STK39: variants seen among roughly 807,000 people sequenced by gnomAD.
STK39 encodes serine/threonine kinase 39, also known as STE20/SPS1-related proline-alanine-rich protein kinase.
In STK39, 20 loss-of-function variants were observed where a neutral mutation model predicts 77.8. The ratio of observed to expected loss-of-function variants is 0.26; its 90% CI spans 0.18 to 0.37. STK39 has a LOEUF of 0.37. Ranked by LOEUF, STK39 falls within the 10% of genes least tolerant of loss-of-function variation. The probability of loss-of-function intolerance (pLI) is 1.00; values close to 1 mark genes in which losing one functional copy is unlikely to be tolerated. For missense variants in STK39, 479 were observed against 656.5 expected (o/e 0.73, Z 2.95); for synonymous variants, 246 against 234.1 (o/e 1.05, Z -0.47).
intron 2 of STK39, among the ~76,000 whole-genome samples, chr2:168,180,379 A>C (rs1234852019): frequency 6.6e-6 from 1 of 152,036 alleles, no homozygotes; most frequent in African/African-American, 2.4e-5. Context: ...CACAACTATC[A>C]CTGGCAAATT....
At chr2:168,230,777 TCTCC>T (rs34518425) in intron 1 of STK39, among the ~76,000 whole-genome samples, 12,146 of 152,012 alleles carry the variant, frequency 0.08, 809 homozygotes, top group East Asian at 0.2. Context: ...AAAATTACAC[TCTCC>T]CTATCAAGTC....
intron 16 of STK39, among the ~76,000 whole-genome samples, chr2:168,000,285 AT>A (rs1202586341): frequency 3.9e-5 from 6 of 152,366 alleles, no homozygotes; most frequent in East Asian, 1.9e-4. Context: ...CATGAAAAAA[AT>A]ATCAAAAATT....
intron 1 of STK39, among the ~76,000 whole-genome samples, chr2:168,195,493 C>T (rs1470952180): frequency 6.6e-6 from 1 of 152,172 alleles, no homozygotes; most frequent in African/African-American, 2.4e-5. Context: ...AAAGTCTGGT[C>T]GGTGGCCATG....
intron 2 of STK39, 91 bp from the exon 3 acceptor site, chr2:168,167,498 T>C: frequency 8.7e-7 from 1 of 1,152,326 alleles, no homozygotes; most frequent in Non-Finnish European, 1.3e-6. Flanking sequence ...CTGGGTAACT[T>C]TCCTACTCGA....
intron 1 of STK39, among the ~76,000 whole-genome samples, chr2:168,238,786 A>G (rs1400635): frequency 0.2 from 30,789 of 152,166 alleles, 3,974 homozygotes; most frequent in Non-Finnish European, 0.29. Flanking sequence ...TTTTTAATTA[A>G]TATATTGAAT....
intron 14 of STK39, among the ~76,000 whole-genome samples, chr2:168,026,550 C>T (rs1219323047): frequency 2.0e-5 from 3 of 152,122 alleles, no homozygotes; most frequent in Admixed American, 6.5e-5. Context: ...GAGCCATTAA[C>T]GGAAGAAATG....
chr2:168,103,716 T>C (rs1162876873), intron 10 of STK39, among the ~76,000 whole-genome samples: 1 of 152,226 alleles, frequency 6.6e-6, no homozygotes, highest in Non-Finnish European at 1.5e-5. Flanking sequence ...GCTGAGTGGT[T>C]GGTACCGGAG....
intron 1 of STK39, among the ~76,000 whole-genome samples, chr2:168,241,953 C>T (rs1017019772): frequency 6.6e-6 from 1 of 152,172 alleles, no homozygotes; most frequent in African/African-American, 2.4e-5. Flanking sequence ...TGAAACAGGC[C>T]AGGCTGTCAG....
chr2:168,072,581 C>T (rs574857299), intron 12 of STK39, among the ~76,000 whole-genome samples: 3 of 152,164 alleles, frequency 2.0e-5, no homozygotes, highest in East Asian at 1.9e-4. Context: ...TCCACAAGGA[C>T]GGGGATTTTG....
At chr2:168,011,623 C>T (rs2105311932) in intron 16 of STK39, among the ~76,000 whole-genome samples, 1 of 152,282 alleles carries the variant, frequency 6.6e-6, no homozygotes, top group Non-Finnish European at 1.5e-5. Flanking sequence ...GCTATGTCTG[C>T]CTCTTAGAGC....
rs753664606 is a variant in STK39, at chr2:168,247,450, GAGC to G, written c.-18_-16del. 16 of 1,313,168 alleles carry G rather than the reference GAGC, an allele frequency of 1.2e-5. 1 individual carries two copies. Among genetic ancestry groups the G allele is most frequent in the Non-Finnish European group, 9.8e-7 (1 of 1,018,002 alleles). 81.3% of individuals were successfully genotyped at this position (1,313,168 alleles called of 1,614,324 possible). A position where few individuals can be genotyped will look rare whatever the true frequency, so the allele number is the denominator to read the frequency against. On this transcript the variant is annotated 5_prime_UTR_variant, in exon 1 of 18. Transcript: ENST00000355999. ...GGCTCCGCCATGATGCTGCGGAGGA[GAGC>G]AGGAGGACGCGCCGGCCGACGGACG...
At chr2:167,963,986 C>T (rs1033204151) in intron 17 of STK39, among the ~76,000 whole-genome samples, 1 of 152,120 alleles carries the variant, frequency 6.6e-6, no homozygotes, top group South Asian at 2.1e-4. Context: ...TTTTGGAAAA[C>T]GGTCACTTTT....
intron 12 of STK39, among the ~76,000 whole-genome samples, chr2:168,067,009 G>A (rs147877679): frequency 6.6e-6 from 1 of 152,328 alleles, no homozygotes; most frequent in East Asian, 1.9e-4. Flanking sequence ...GTCACTTGAG[G>A]CCAAGAGTTC....
intron 16 of STK39, among the ~76,000 whole-genome samples, chr2:168,004,327 A>G (rs533127534): frequency 6.6e-6 from 1 of 152,372 alleles, no homozygotes; most frequent in African/African-American, 2.4e-5. Flanking sequence ...TCCTAAAGAC[A>G]GCAGAGAATC....
chr2:168,243,500 C>A (rs1430849655), intron 1 of STK39, among the ~76,000 whole-genome samples: 1 of 152,048 alleles, frequency 6.6e-6, no homozygotes, highest in Non-Finnish European at 1.5e-5. Flanking sequence ...TAAATGACCA[C>A]CCGGGACAAA....
chr2:168,141,716 A>T lies in STK39; in HGVS notation c.629-958T>A, dbSNP rs190366210. ...GGTAGGCAACACATCAAAACACCAC[A>T]GCGCAATGTGCAGTCTGAGCCCCTG... On this transcript the variant is annotated intron_variant, in intron 5 of 17. Transcript: ENST00000355999. Among the ~76,000 whole-genome samples, 26 of 152,338 alleles carry T rather than the reference A, an allele frequency of 1.7e-4. No individual in the cohort carries two copies. In the East Asian group the frequency reaches 5.0e-3, roughly 29 times the overall value.
chr2:168,088,967 A>G (rs912830024), intron 10 of STK39, among the ~76,000 whole-genome samples: 2 of 152,224 alleles, frequency 1.3e-5, no homozygotes, highest in Non-Finnish European at 2.9e-5. Context: ...CTGAGTAAAC[A>G]GCCTTTCTTT....
At chr2:168,233,753 C>G (rs150437933) in intron 1 of STK39, among the ~76,000 whole-genome samples, 27 of 152,136 alleles carry the variant, frequency 1.8e-4, no homozygotes, top group African/African-American at 6.3e-4. Context: ...ACCTTATAAT[C>G]AGTCCCTTCT....
chr2:168,202,221 A>G (rs1689628639), intron 1 of STK39, among the ~76,000 whole-genome samples: 1 of 152,256 alleles, frequency 6.6e-6, no homozygotes, highest in South Asian at 2.1e-4. Context: ...ACATACAAGT[A>G]TAACAAGCTC....
Sources: gnomAD v4.1 joint callset for allele counts (sites outside exome capture counted in the v4.1 genomes callset) on GRCh38, gnomAD v4.1.1 for gene constraint, MANE v1.5 for transcripts, NCBI Gene and HGNC (gene_info 2026-07-23, HGNC 2026-07-21) for gene names.